Variants in ARMH4 observed in about 807,000 individuals in gnomAD.
ARMH4 encodes the protein armadillo-like helical domain-containing protein 4.
Under a neutral mutation model 61.9 loss-of-function variants are expected in ARMH4, and 49 were observed. The observed-to-expected ratio is 0.79, with a 90% CI of 0.63 to 1.00. The LOEUF (loss-of-function observed/expected upper bound fraction) is 1.00, where lower values mean the gene tolerates loss of function less well. ARMH4 is among the 50% of genes least tolerant of loss of function. The probability of loss-of-function intolerance (pLI) is 0.00; values close to 1 mark genes in which losing one functional copy is unlikely to be tolerated. For missense variants in ARMH4, 934 were observed against 930.0 expected, an observed-to-expected ratio of 1.00 and a Z score of -0.06; for synonymous variants, 368 against 341.5, an observed-to-expected ratio of 1.08 and a Z score of -0.85.
Position 58,138,536 on chromosome 14 carries a change from C to G in ARMH4, c.823G>C (p.Glu275Gln). 2 of 1,614,186 alleles carry G rather than the reference C, an allele frequency of 1.2e-6. No individual in the cohort carries two copies. The highest frequency in any genetic ancestry group is 1.7e-6 in the Non-Finnish European group (2 of 1,180,032). The change falls in exon 2 of 8, where the codon GAA (glutamate) becomes CAA (glutamine). Residue 275 changes from glutamate (E) to glutamine (Q), a missense_variant. Glu to Gln is a conservative substitution (Grantham distance 29). Transcript: ENST00000267485. ...TQAAATKQPLETSEYTLSVEP... is the reference protein window; with the variant it reads ...TQAAATKQPLQTSEYTLSVEP... ...ACACTCAGGGTGTACTCGGAAGTTTCGAGTGGTTGCTTGGTGGCAGCAGCC... is the reference window on the plus strand; with the variant it reads ...ACACTCAGGGTGTACTCGGAAGTTTGGAGTGGTTGCTTGGTGGCAGCAGCC...
chr14:58,121,447 A>C (rs1290310281), intron 4 of ARMH4, among the ~76,000 whole-genome samples: 1 of 152,246 alleles, frequency 6.6e-6, no homozygotes, highest in Admixed American at 6.5e-5. Context: ...TCCCTGTGGC[A>C]GGAAAGCATA....
intron 5 of ARMH4, among the ~76,000 whole-genome samples, chr14:58,079,650 C>A (rs1291936712): frequency 6.6e-6 from 1 of 152,186 alleles, no homozygotes; most frequent in Non-Finnish European, 1.5e-5. Context: ...TATGTGCCCA[C>A]AAAAACTCTA....
intron 5 of ARMH4, among the ~76,000 whole-genome samples, chr14:58,019,896 G>A (rs771203538): frequency 2.6e-5 from 4 of 152,084 alleles, no homozygotes; most frequent in Non-Finnish European, 5.9e-5. Context: ...ATCCCAAACT[G>A]TTTATTTAGA....
At chr14:58,076,943 C>G (rs1330454308) in intron 5 of ARMH4, among the ~76,000 whole-genome samples, 1 of 152,156 alleles carries the variant, frequency 6.6e-6, no homozygotes, top group Non-Finnish European at 1.5e-5. Context: ...TTAGCTTTGT[C>G]TACACCAAGG....
At chr14:58,112,286 C>T (rs867439715) in intron 4 of ARMH4, among the ~76,000 whole-genome samples, 1,532 of 133,338 alleles carry the variant, frequency 0.011, 27 homozygotes, top group African/African-American at 0.039. Context: ...CTTAATTTTT[C>T]TTTTTTTTTT....
At chr14:58,145,299 A>T (rs1335840725) in intron 1 of ARMH4, among the ~76,000 whole-genome samples, 2 of 152,226 alleles carry the variant, frequency 1.3e-5, no homozygotes, top group Non-Finnish European at 2.9e-5. Flanking sequence ...AAAATGAGGA[A>T]TTAAAATAAT....
In ARMH4 at chr14:58,090,757, G is replaced by A. The variant is rs961130364; in HGVS notation, c.2089+5967C>T. On this transcript the variant is annotated intron_variant, in intron 5 of 7. Coordinates refer to ENST00000267485, the MANE Select transcript of ARMH4 (RefSeq NM_001001872.4). ...AGCTGGGCTGTGGTGGTGTGTGCCT[G>A]TAATCCCAGCTACTCGGGCTGCTGA... Among the ~76,000 whole-genome samples, 6 of 151,688 alleles carry A rather than the reference G, an allele frequency of 4.0e-5. No homozygotes were observed. In the East Asian group the frequency reaches 1.2e-3, roughly 29 times the overall value.
At chr14:58,148,248 T>C (rs888837650) in intron 1 of ARMH4, among the ~76,000 whole-genome samples, 2 of 152,196 alleles carry the variant, frequency 1.3e-5, no homozygotes, top group African/African-American at 4.8e-5. Context: ...GGTTTCACCA[T>C]GTTGGCCAGG....
Position 58,139,064 on chromosome 14 carries a change from C to T in ARMH4, c.295G>A (p.Gly99Arg), listed in dbSNP as rs200799037. The change falls in exon 2 of 8, where the codon GGA becomes AGA. Residue 99 changes from glycine (G) to arginine (R), a missense_variant. Gly to Arg is a moderately radical substitution (Grantham distance 125). Transcript: ENST00000267485. ...TCTGTTTGCATGAGCCCAGCTTGTCCAGGCTGGGTTTCTTTGTTAATCGAG... is the reference window on the plus strand; with the variant it reads ...TCTGTTTGCATGAGCCCAGCTTGTCTAGGCTGGGTTTCTTTGTTAATCGAG... ...AFSINKETQP[G>R]QAGLMQTERP... is the part of the protein sequence containing the mutation. 3 of 1,614,198 alleles carry T rather than the reference C, an allele frequency of 1.9e-6. No individual in the cohort carries two copies. The East Asian group carries it at 6.7e-5, about 36-fold the overall frequency.
chr14:58,077,749 A>G (rs899354580), intron 5 of ARMH4, among the ~76,000 whole-genome samples: 79 of 152,364 alleles, frequency 5.2e-4, no homozygotes, highest in African/African-American at 1.8e-3. Context: ...TCACAGAGCT[A>G]GCAAGTGATA....
intron 6 of ARMH4, 66 bp downstream of exon 6, chr14:58,012,053 G>T: frequency 8.8e-7 from 1 of 1,140,464 alleles, no homozygotes; most frequent in Non-Finnish European, 1.3e-6. Context: ...CTACTCTGAA[G>T]ATCTTTTGCT....
intron 5 of ARMH4, among the ~76,000 whole-genome samples, chr14:58,046,931 C>A (rs1348604933): frequency 6.6e-6 from 1 of 152,190 alleles, no homozygotes; most frequent in Non-Finnish European, 1.5e-5. Flanking sequence ...AAACAAATTC[C>A]TAAATTAAGT....
Position 58,127,082 on chromosome 14 carries a change from G to A in ARMH4, c.1831+4430C>T, listed in dbSNP as rs145416145. Among the ~76,000 whole-genome samples, 11 of 152,210 alleles carry A rather than the reference G, an allele frequency of 7.2e-5. No individual in the cohort carries two copies. The East Asian group carries it at 1.9e-3, about 27-fold the overall frequency. On this transcript the variant is annotated intron_variant, in intron 4 of 7. Transcript: ENST00000267485. ...CTCCCAAAGTGCTGGGATTACCCCGGCCAAGAATTAAAAATCTCTATGTTA... is the reference window on the plus strand; with the variant it reads ...CTCCCAAAGTGCTGGGATTACCCCGACCAAGAATTAAAAATCTCTATGTTA...
Position 58,097,048 on chromosome 14 carries a change from T to C in ARMH4, c.1832-67A>G, listed in dbSNP as rs529028306. 4.0e-6 allele frequency: 6 copies of C among 1,491,388 alleles called. No individual in the cohort carries two copies. In the East Asian group the frequency reaches 1.1e-4, roughly 28 times the overall value. 92.4% of individuals were successfully genotyped at this position (1,491,388 alleles called of 1,614,324 possible). On this transcript the variant is annotated intron_variant, in intron 4 of 7. Transcript: ENST00000267485. ...AGTTTATGCTGAAACAAATGAATCC[T>C]TGGAAATGATCCAAACACTACAAAA...
Position 58,138,757 on chromosome 14 carries a change from C to A in ARMH4, c.602G>T (p.Gly201Val), listed in dbSNP as rs766373659. 1.2e-6 allele frequency: 2 copies of A among 1,614,202 alleles called. No homozygotes were observed. Among genetic ancestry groups the A allele is most frequent in the Non-Finnish European group, 1.7e-6 (2 of 1,180,046 alleles). The change falls in exon 2 of 8, where the codon GGT (glycine) becomes GTT (valine). Residue 201 changes from glycine (G) to valine (V), a missense_variant. Transcript: ENST00000267485. ...SFATESQEGV[G>V]LGHSPSSYVN... ...ATAGGATGAAGGTGAATGTCCCAAA[C>A]CAACTCCTTCCTGACTTTCAGTTGC...
At position 58,139,077 on chromosome 14, in the gene ARMH4, T is replaced by C. The variant is rs753264822; in HGVS notation, c.282A>G (p.Lys94=). ...GCCCAGCTTGTCCAGGCTGGGTTTC[T>C]TTGTTAATCGAGAATGCTTTATTTA... ...TSLNKAFSIN[K]ETQPGQAGLM... The change falls in exon 2 of 8, where the codon AAA becomes AAG. Residue 94 remains lysine, a synonymous_variant. Coordinates refer to ENST00000267485, the MANE Select transcript of ARMH4 (RefSeq NM_001001872.4). 3.1e-6 allele frequency: 5 copies of C among 1,614,116 alleles called. No individual in the cohort carries two copies. In the East Asian group the frequency reaches 6.7e-5, roughly 22 times the overall value.
chr14:58,061,744 G>A (rs931802588), intron 5 of ARMH4, among the ~76,000 whole-genome samples: 1 of 152,106 alleles, frequency 6.6e-6, no homozygotes, highest in Non-Finnish European at 1.5e-5. Context: ...GGAAAAGGGA[G>A]GCAGGGCTGC....
intron 1 of ARMH4, chr14:58,141,305 C>T (rs1887541493): frequency 1.2e-5 from 5 of 409,010 alleles, no homozygotes; most frequent in South Asian, 2.2e-5. Flanking sequence ...AAGACCCTCA[C>T]GGGCAAGACC....
intron 4 of ARMH4, among the ~76,000 whole-genome samples, chr14:58,098,805 T>A (rs1885849108): frequency 6.6e-6 from 1 of 152,008 alleles, no homozygotes; most frequent in African/African-American, 2.4e-5. Flanking sequence ...TTTATTTATT[T>A]CAATAGGTTT....
Sources: gnomAD v4.1 joint callset for allele counts (sites outside exome capture counted in the v4.1 genomes callset) on GRCh38, gnomAD v4.1.1 for gene constraint, MANE v1.5 for transcripts, NCBI Gene and HGNC (gene_info 2026-07-23, HGNC 2026-07-21) for gene names.